ST13: variants seen among roughly 807,000 people sequenced by gnomAD.
ST13 encodes ST13 Hsp70 interacting protein, also known as hsc70-interacting protein.
Under a neutral mutation model 56.7 loss-of-function variants are expected in ST13, and 23 were observed. That is an observed-to-expected ratio of 0.41 (90% CI 0.29 to 0.57). The LOEUF (loss-of-function observed/expected upper bound fraction) is 0.57, where lower values mean the gene tolerates loss of function less well. ST13 is among the 20% of genes least tolerant of loss of function. ST13 has a pLI of 0.36. For synonymous variants in ST13, 132 were observed against 142.4 expected, an observed-to-expected ratio of 0.93 and a Z score of 0.52; for missense variants, 369 against 459.9, an observed-to-expected ratio of 0.80 and a Z score of 1.81.
At chr22:40,836,396 G>C (rs1283314741) in intron 5 of ST13, among the ~76,000 whole-genome samples, 1 of 152,116 alleles carries the variant, frequency 6.6e-6, no homozygotes, top group African/African-American at 2.4e-5. Flanking sequence ...AGTGAGGCGA[G>C]ATCACCACTG....
At chr22:40,850,750 G>T in intron 2 of ST13, 73 bp downstream of exon 2, 1 of 1,102,508 alleles carries the variant, frequency 9.1e-7, no homozygotes, top group Non-Finnish European at 1.3e-6. Context: ...CTGGAGAGCA[G>T]CAGTTTAAAA....
intron 3 of ST13, 70 bp downstream of exon 3, chr22:40,848,224 C>A: frequency 9.0e-7 from 1 of 1,106,658 alleles, no homozygotes; most frequent in South Asian, 1.3e-5. Context: ...TGATTTAAGT[C>A]ACTTTAATAA....
Position 40,833,282 on chromosome 22 carries a change from C to CTG in ST13, c.579-613_579-612dup, listed in dbSNP as rs763606081. 6.8e-4 allele frequency among the ~76,000 whole-genome samples: 103 copies of CTG among 152,208 alleles called. No individual in the cohort carries two copies. In the Middle Eastern group the frequency reaches 0.014, roughly 20 times the overall value. Reference sequence around the variant, plus strand: ...CCTGAATACAAACAGAAATAAGAAGCTGTGTGGCTGGGCGCGGTGGCTCAC... The same window carrying CTG: ...CCTGAATACAAACAGAAATAAGAAGCTGTGTGTGGCTGGGCGCGGTGGCTCAC... On this transcript the variant is annotated intron_variant, in intron 7 of 11. Coordinates refer to ENST00000216218, the MANE Select transcript of ST13 (RefSeq NM_003932.5).
Position 40,844,833 on chromosome 22 carries a change from A to G in ST13, c.315+6T>C, listed in dbSNP as rs375339937. On this transcript the variant is annotated splice_donor_region_variant and intron_variant, in intron 4 of 11. Coordinates refer to ENST00000216218, the MANE Select transcript of ST13 (RefSeq NM_003932.5). ...AACAAGCAGGAAATCAAGTCACCGAACTTACCTCCGCATTTTCATCTCCCA... is the reference window on the plus strand; with the variant it reads ...AACAAGCAGGAAATCAAGTCACCGAGCTTACCTCCGCATTTTCATCTCCCA... 4 of 1,611,940 alleles carry G rather than the reference A, an allele frequency of 2.5e-6. No homozygotes were observed. The highest frequency in any genetic ancestry group is 1.3e-5 in the African/African-American group (1 of 74,876).
intron 8 of ST13, among the ~76,000 whole-genome samples, chr22:40,831,577 T>C (rs1397994156): frequency 6.6e-6 from 1 of 152,196 alleles, no homozygotes; most frequent in African/African-American, 2.4e-5. Context: ...TTTAGCTTGT[T>C]TACACTTTGC....
At chr22:40,841,719 G>A (rs909523000) in intron 4 of ST13, among the ~76,000 whole-genome samples, 8 of 151,984 alleles carry the variant, frequency 5.3e-5, no homozygotes, top group African/African-American at 1.9e-4. Context: ...CTCCCCTCAA[G>A]TGTAGCTGGA....
At chr22:40,839,986 T>C (rs996067068) in intron 5 of ST13, among the ~76,000 whole-genome samples, 12 of 150,194 alleles carry the variant, frequency 8.0e-5, no homozygotes, top group African/African-American at 2.7e-4. Flanking sequence ...CCTTCTCTAA[T>C]AAAAATACAA....
chr22:40,834,503 GA>G (rs1311668841), intron 7 of ST13, among the ~76,000 whole-genome samples: 5 of 152,082 alleles, frequency 3.3e-5, no homozygotes, highest in Admixed American at 1.3e-4. Flanking sequence ...CATTTTAATA[GA>G]AAATATCAGT....
At chr22:40,827,662 A>C (rs918845041) in intron 10 of ST13, among the ~76,000 whole-genome samples, 13 of 151,492 alleles carry the variant, frequency 8.6e-5, no homozygotes, top group Middle Eastern at 3.4e-3. Context: ...TTATAAATAT[A>C]TTTTTTATTT....
At position 40,851,748 on chromosome 22, in the gene ST13, C is replaced by CTT. The variant is rs768642763; in HGVS notation, c.111-870_111-869dup. Among the ~76,000 whole-genome samples, 93 of 141,632 alleles carry CTT rather than the reference C, an allele frequency of 6.6e-4. 1 individual carries two copies. The East Asian group carries it at 7.6e-3, about 12-fold the overall frequency. 92.9% of individuals were successfully genotyped at this position (141,632 alleles called of 152,430 possible). The stretch of plus-strand genomic sequence containing the variant: ...ATTAACTTTGAAAACAGAAAGGGTT[C>CTT]TTTTTTTTTTTTTTTGAGATGGAGT... On this transcript the variant is annotated intron_variant, in intron 1 of 11. Coordinates refer to ENST00000216218, the MANE Select transcript of ST13 (RefSeq NM_003932.5).
intron 1 of ST13, among the ~76,000 whole-genome samples, chr22:40,856,017 T>A (rs1202296230): frequency 3.3e-5 from 5 of 152,140 alleles, no homozygotes; most frequent in Non-Finnish European, 7.3e-5. Context: ...GTTATATTAT[T>A]ATAACACGAC....
chr22:40,825,529 C>A lies in ST13; in HGVS notation c.*1009G>T, dbSNP rs897246793. On this transcript the variant is annotated 3_prime_UTR_variant, in exon 12 of 12. Transcript: ENST00000216218. ...AGCATTCTCTTGGCCAAGTAAGAAA[C>A]TACAGTTGTTGTGGGTATTACCCTA... The A allele has an allele frequency of 7.2e-5, 11 of 152,090 alleles. No homozygotes were observed. The highest frequency in any genetic ancestry group is 4.4e-5 in the Non-Finnish European group (3 of 68,012). 9.4% of individuals were successfully genotyped at this position (152,090 alleles called of 1,614,324 possible).
At chr22:40,845,699 T>C (rs1401336508) in intron 3 of ST13, among the ~76,000 whole-genome samples, 1 of 151,734 alleles carries the variant, frequency 6.6e-6, no homozygotes, top group Non-Finnish European at 1.5e-5. Context: ...CTGTAATTTG[T>C]TGCAAGTGGA....
At chr22:40,849,445 A>C (rs890499868) in intron 2 of ST13, among the ~76,000 whole-genome samples, 3 of 143,752 alleles carry the variant, frequency 2.1e-5, no homozygotes, top group Non-Finnish European at 4.5e-5. Context: ...GCACCACTGC[A>C]CTCCAGCCTG....
chr22:40,845,058 C>T (rs568482027), intron 3 of ST13, 149 bp from the exon 4 acceptor site: 39 of 590,872 alleles, frequency 6.6e-5, no homozygotes, highest in Middle Eastern at 4.6e-4. Flanking sequence ...TTAAACATTT[C>T]GTTACTTTGG....
Position 40,830,913 on chromosome 22 carries a change from C to T in ST13, c.725G>A (p.Arg242His), listed in dbSNP as rs934987064. The change falls in exon 9 of 12, where the codon CGT (arginine) becomes CAT (histidine). Residue 242 changes from arginine to histidine, a missense_variant. Arg to His is a conservative substitution (Grantham distance 29). This residue lies in a region of ST13 where 64 missense variants were observed against 125.1 expected (regional missense o/e 0.51). Transcript: ENST00000216218. Reference sequence around the variant, plus strand: ...TCTTTCTTTGATCTCTCGCTCTTCACGTTTTCGCTCATACTTTCTCCGATG... The same window carrying T: ...TCTTTCTTTGATCTCTCGCTCTTCATGTTTTCGCTCATACTTTCTCCGATG... ...AEHRRKYERK[R>H]EEREIKERIE... The T allele has an allele frequency of 3.1e-6, 5 of 1,604,232 alleles. No homozygotes were observed. The highest frequency in any genetic ancestry group is 1.1e-5 in the South Asian group (1 of 90,888).
intron 1 of ST13, among the ~76,000 whole-genome samples, chr22:40,854,056 G>A (rs1431154579): frequency 6.6e-6 from 1 of 152,186 alleles, no homozygotes; most frequent in Non-Finnish European, 1.5e-5. Context: ...ATAAAACTAA[G>A]CTATAAACAA....
chr22:40,855,585 A>C (rs1049027678), intron 1 of ST13, among the ~76,000 whole-genome samples: 3 of 152,230 alleles, frequency 2.0e-5, no homozygotes, highest in African/African-American at 7.2e-5. Flanking sequence ...TTTTTTAAAA[A>C]GTCATCTTAG....
chr22:40,824,647 T>C lies in ST13; in HGVS notation c.*1891A>G, dbSNP rs992169896. On this transcript the variant is annotated 3_prime_UTR_variant, in exon 12 of 12. Transcript: ENST00000216218. ...CCACTTATGGTAATATTTGCAATAT[T>C]AGAATATAATTAGGTTAAATAAATC... is the stretch of plus-strand genomic sequence containing the variant. 2 of 152,190 alleles carry C rather than the reference T, an allele frequency of 1.3e-5. No individual in the cohort carries two copies. Among genetic ancestry groups the C allele is most frequent in the African/African-American group, 2.4e-5 (1 of 41,436 alleles). 9.4% of individuals were successfully genotyped at this position (152,190 alleles called of 1,614,324 possible). A position where few individuals can be genotyped will look rare whatever the true frequency, so the allele number is the denominator to read the frequency against.
Sources: gnomAD v4.1 joint callset for allele counts (sites outside exome capture counted in the v4.1 genomes callset) on GRCh38, gnomAD v4.1.1 for gene constraint, gnomAD v4.1.1 regional missense constraint, MANE v1.5 for transcripts, NCBI Gene and HGNC (gene_info 2026-07-23, HGNC 2026-07-21) for gene names.